The following BAG4 variants were observed in gnomAD, a reference collection of about 807,000 sequenced individuals.
The protein encoded by BAG4 is BAG cochaperone 4, also known as BAG family molecular chaperone regulator 4.
In BAG4, 28 loss-of-function variants were observed where a neutral mutation model predicts 52.1. That is an observed-to-expected ratio of 0.54 (90% CI 0.40 to 0.74). The LOEUF (loss-of-function observed/expected upper bound fraction) is 0.74, where lower values mean the gene tolerates loss of function less well. BAG4 is among the 30% of genes least tolerant of loss of function. The pLI is 0.00. For missense variants in BAG4, 525 were observed against 572.0 expected (o/e 0.92, Z 0.84); for synonymous variants, 208 against 217.0 (o/e 0.96, Z 0.37).
chr8:38,184,907 G>A (rs1039193914), intron 1 of BAG4, among the ~76,000 whole-genome samples: 1 of 152,110 alleles, frequency 6.6e-6, no homozygotes, highest in African/African-American at 2.4e-5. Flanking sequence ...TGGCCAACAT[G>A]GTGAAACCCT....
At chr8:38,198,498 T>G (rs868177582) in intron 2 of BAG4, among the ~76,000 whole-genome samples, 10 of 150,104 alleles carry the variant, frequency 6.7e-5, no homozygotes, top group South Asian at 6.4e-4. Context: ...TTTTTTGTTT[T>G]TTTTTTTTGA....
intron 4 of BAG4, 152 bp downstream of exon 4, chr8:38,209,419 C>T: frequency 5.1e-6 from 5 of 984,100 alleles, no homozygotes; most frequent in Non-Finnish European, 5.6e-6. Flanking sequence ...GCTCGGTTTC[C>T]TTTTTCTTTT....
At chr8:38,209,589 T>C (rs948677212) in intron 4 of BAG4, 11 of 387,486 alleles carry the variant, frequency 2.8e-5, no homozygotes, top group Admixed American at 1.7e-4. Context: ...ACAAAACCAA[T>C]GTGAAATATC....
At chr8:38,204,885 A>T (rs1242142017) in intron 2 of BAG4, among the ~76,000 whole-genome samples, 50 of 152,142 alleles carry the variant, frequency 3.3e-4, no homozygotes, top group Admixed American at 3.3e-3. Flanking sequence ...ATGTTTCTTT[A>T]AAATATAAGG....
intron 1 of BAG4, 101 bp from the exon 2 acceptor site, chr8:38,192,587 A>T (rs557929547): frequency 1.1e-6 from 1 of 938,600 alleles, no homozygotes; most frequent in Non-Finnish European, 1.5e-6. Flanking sequence ...CTTTTTGTCT[A>T]TTGCTTTTTT....
chr8:38,188,123 T>G (rs776539411), intron 1 of BAG4, among the ~76,000 whole-genome samples: 5 of 151,310 alleles, frequency 3.3e-5, no homozygotes, highest in South Asian at 2.1e-4. Flanking sequence ...GTATAATCAT[T>G]AAGTTATAAT....
intron 2 of BAG4, among the ~76,000 whole-genome samples, chr8:38,198,567 C>T (rs1237460049): frequency 4.7e-5 from 7 of 148,788 alleles, no homozygotes; most frequent in African/African-American, 1.2e-4. Context: ...CGGCTTACTG[C>T]GACCTCCGCC....
At chr8:38,195,189 A>G (rs1173645651) in intron 2 of BAG4, among the ~76,000 whole-genome samples, 1 of 147,030 alleles carries the variant, frequency 6.8e-6, no homozygotes, top group Non-Finnish European at 1.5e-5. Flanking sequence ...CTTGCTCTGT[A>G]GCCCAGGCTG....
intron 2 of BAG4, among the ~76,000 whole-genome samples, chr8:38,200,034 C>T (rs1206884542): frequency 9.6e-5 from 14 of 145,872 alleles, no homozygotes; most frequent in African/African-American, 3.3e-4. Context: ...GAAACAGAGT[C>T]TTGTTCTGTC....
intron 2 of BAG4, among the ~76,000 whole-genome samples, chr8:38,201,079 C>G (rs1429266782): frequency 6.6e-6 from 1 of 152,122 alleles, no homozygotes; most frequent in Non-Finnish European, 1.5e-5. Flanking sequence ...CATTTTCCCC[C>G]TTAGGTAAAA....
rs1448129734 is a variant in BAG4 at position 38,200,065 on chromosome 8, G to A, written c.378+7270G>A. Among the ~76,000 whole-genome samples, 3 of 150,766 alleles carry A rather than the reference G, an allele frequency of 2.0e-5. No homozygotes were observed. The East Asian group carries it at 5.8e-4, about 29-fold the overall frequency. ...CTGTCGCCCAGGATGGAGTGTAGTG[G>A]TGCAATCTCTGCTCACTGAAACCTC... On this transcript the variant is annotated intron_variant, in intron 2 of 4. Coordinates refer to ENST00000287322, the MANE Select transcript of BAG4 (RefSeq NM_004874.4).
At chr8:38,191,737 G>A (rs1328437087) in intron 1 of BAG4, among the ~76,000 whole-genome samples, 1 of 135,948 alleles carries the variant, frequency 7.4e-6, no homozygotes, top group Non-Finnish European at 1.5e-5. Flanking sequence ...TCCAGCCTGG[G>A]CAACAAGAGC....
chr8:38,182,247 C>T (rs1029156218), intron 1 of BAG4, among the ~76,000 whole-genome samples: 1 of 152,190 alleles, frequency 6.6e-6, no homozygotes, highest in African/African-American at 2.4e-5. Flanking sequence ...TATAGCTATA[C>T]AAATAACTTA....
intron 2 of BAG4, among the ~76,000 whole-genome samples, chr8:38,203,720 A>G (rs1803723124): frequency 6.6e-6 from 1 of 151,602 alleles, no homozygotes. Context: ...CTGTAGTCCA[A>G]GCTACTTGGG....
rs914090821 is a variant in BAG4 at position 38,176,880 on chromosome 8, T to G, written c.11T>G (p.Leu4Arg). Residue 4 changes from leucine to arginine, a missense_variant, in exon 1 of 5, where the codon CTG becomes CGG. By Grantham distance (102) the Leu-to-Arg change is moderately radical. This residue lies in a region of BAG4 where 287 missense variants were observed against 266.1 expected (regional missense o/e 1.08). Coordinates refer to ENST00000287322, the MANE Select transcript of BAG4 (RefSeq NM_004874.4). Reference protein sequence around the residue: MSALRRSGYGPSDG... With the variant: MSARRRSGYGPSDG... ...AGGGCAGCGGATCCCATGTCGGCCC[T>G]GAGGCGCTCGGGCTACGGCCCCAGT... is the stretch of plus-strand genomic sequence containing the variant. The G allele has an allele frequency of 1.3e-6, 2 of 1,538,958 alleles. No individual in the cohort carries two copies. The highest frequency in any genetic ancestry group is 2.0e-5 in the Admixed American group (1 of 49,724).
intron 1 of BAG4, among the ~76,000 whole-genome samples, chr8:38,189,988 T>TGTTAGCTA (rs754151929): frequency 1.3e-5 from 2 of 152,146 alleles, no homozygotes; most frequent in Non-Finnish European, 2.9e-5. Context: ...GGTTTCACCG[T>TGTTAGCTA]GTTAGCTAGG....
At chr8:38,178,584 G>C (rs928616112) in intron 1 of BAG4, among the ~76,000 whole-genome samples, 1 of 152,190 alleles carries the variant, frequency 6.6e-6, no homozygotes, top group African/African-American at 2.4e-5. Context: ...AACAAAATAT[G>C]GTGTTAATAT....
intron 2 of BAG4, among the ~76,000 whole-genome samples, chr8:38,199,674 C>G (rs527887625): frequency 1.3e-5 from 2 of 152,144 alleles, no homozygotes; most frequent in South Asian, 4.2e-4. Context: ...AAGGTGCCCG[C>G]CACCACACCT....
intron 1 of BAG4, among the ~76,000 whole-genome samples, chr8:38,181,335 A>T (rs984785612): frequency 7.4e-6 from 1 of 135,854 alleles, no homozygotes; most frequent in Non-Finnish European, 1.6e-5. Context: ...CCCAGGTTCA[A>T]GCGATTTACT....
Sources: allele counts gnomAD v4.1 joint callset (sites outside exome capture counted in the v4.1 genomes callset), GRCh38; gene constraint gnomAD v4.1.1; regional missense constraint gnomAD v4.1.1; transcripts MANE v1.5; gene names NCBI Gene and HGNC (gene_info 2026-07-23, HGNC 2026-07-21).